Variants in CALD1 observed in about 807,000 individuals in gnomAD.
The protein encoded by CALD1 is caldesmon.
In CALD1, 33 loss-of-function variants were observed where a neutral mutation model predicts 99.9. The observed-to-expected ratio is 0.33, with a 90% CI of 0.25 to 0.44. The LOEUF (loss-of-function observed/expected upper bound fraction) is 0.44, where lower values mean the gene tolerates loss of function less well. Ranked by LOEUF, CALD1 falls within the 20% of genes least tolerant of loss-of-function variation. CALD1 has a pLI of 1.00. For missense variants in CALD1, 861 were observed against 962.1 expected (o/e 0.89, Z 1.39); for synonymous variants, 310 against 325.0 (o/e 0.95, Z 0.50).
intron 1 of CALD1, among the ~76,000 whole-genome samples, chr7:134,797,963 C>G (rs1797810185): frequency 1.3e-5 from 2 of 152,092 alleles, no homozygotes; most frequent in African/African-American, 4.8e-5. Flanking sequence ...AGAAAAGTAG[C>G]AAGAATATTA....
At chr7:134,931,654 G>A (rs1265151476) in intron 4 of CALD1, among the ~76,000 whole-genome samples, 1 of 152,166 alleles carries the variant, frequency 6.6e-6, no homozygotes, top group Non-Finnish European at 1.5e-5. Context: ...CACAGTTCTG[G>A]TATCACATGA....
upstream of CALD1, among the ~76,000 whole-genome samples, chr7:134,739,905 TAA>T (rs1035155650): frequency 5.3e-5 from 8 of 151,368 alleles, no homozygotes; most frequent in Non-Finnish European, 1.0e-4. Context: ...ATTTTATTCT[TAA>T]GTCACCTATT....
the CALD1 span, among the ~76,000 whole-genome samples, chr7:134,716,970 C>A: frequency 1.3e-5 from 2 of 152,034 alleles, no homozygotes; most frequent in Non-Finnish European, 2.9e-5. Context: ...AAGGTTTGAC[C>A]ACTGAAGCTT....
At chr7:134,962,466 G>A (rs1437159066) in intron 13 of CALD1, 5 of 179,946 alleles carry the variant, frequency 2.8e-5, no homozygotes, top group Non-Finnish European at 4.7e-5. Context: ...TCACCCCCTA[G>A]AGGGTGAAGA....
chr7:134,716,000 C>T, the CALD1 span, among the ~76,000 whole-genome samples: 1 of 152,030 alleles, frequency 6.6e-6, no homozygotes, highest in Non-Finnish European at 1.5e-5. Flanking sequence ...GGTACATGTG[C>T]ACAATGTGCA....
At chr7:134,962,366 TA>T (rs35952925) in intron 13 of CALD1, 59,000 of 91,980 alleles carry the variant, frequency 0.64, 17,462 homozygotes, top group Middle Eastern at 0.73. Flanking sequence ...GACAGCCTCC[TA>T]AAAAAAAAAA....
In CALD1 at chr7:134,924,373, T is replaced by G. The variant is rs999371667; in HGVS notation, c.72-4381T>G. Reference sequence around the variant, plus strand: ...AGAATGAACAATTCAGGGTACTTTTTTTTCAATTTCGGAAGAAAAAATAAT... The same window carrying G: ...AGAATGAACAATTCAGGGTACTTTTGTTTCAATTTCGGAAGAAAAAATAAT... On this transcript the variant is annotated intron_variant, in intron 3 of 14. Coordinates refer to ENST00000361675, the MANE Select transcript of CALD1 (RefSeq NM_033138.4). Among the ~76,000 whole-genome samples, 6 of 152,226 alleles carry G rather than the reference T, an allele frequency of 3.9e-5. No individual in the cohort carries two copies. In the East Asian group the frequency reaches 1.2e-3, roughly 29 times the overall value.
At chr7:134,934,158 C>A (rs1586355524) in intron 5 of CALD1, 81 bp downstream of exon 5, 2 of 1,537,632 alleles carry the variant, frequency 1.3e-6, no homozygotes, top group Non-Finnish European at 8.7e-7. Context: ...GGGACTGAGG[C>A]CACATGCATA....
intron 11 of CALD1, among the ~76,000 whole-genome samples, chr7:134,958,825 G>T (rs1412839646): frequency 6.8e-6 from 1 of 146,954 alleles, no homozygotes; most frequent in Non-Finnish European, 1.5e-5. Context: ...CGTGAATATT[G>T]TTTAATGAAA....
intron 3 of CALD1, among the ~76,000 whole-genome samples, chr7:134,924,668 AAT>A (rs1433254414): frequency 6.6e-6 from 1 of 152,184 alleles, no homozygotes; most frequent in Admixed American, 6.5e-5. Context: ...AAATAATTTT[AAT>A]ATGTTTCTTT....
At chr7:134,950,898 G>T (rs544720687) in intron 9 of CALD1, among the ~76,000 whole-genome samples, 3 of 152,322 alleles carry the variant, frequency 2.0e-5, no homozygotes, top group African/African-American at 7.2e-5. Context: ...GGCAGAGGTT[G>T]CAGTGAGCTA....
chr7:134,948,840 T>C lies in CALD1; in HGVS notation c.1794+1071T>C, dbSNP rs187150368. 2.9e-3 allele frequency among the ~76,000 whole-genome samples: 435 copies of C among 152,190 alleles called. 3 individuals carry two copies. Among genetic ancestry groups the C allele is most frequent in the Non-Finnish European group, 1.7e-3 (114 of 68,004 alleles). On this transcript the variant is annotated intron_variant, in intron 8 of 14. Transcript: ENST00000361675. ...GAAGTATGGGAAGTAATCAGGATGA[T>C]AGAGTTTGGGGGTTAAACACACCCC...
At chr7:134,863,457 G>C (rs1800651836) in intron 2 of CALD1, among the ~76,000 whole-genome samples, 1 of 152,190 alleles carries the variant, frequency 6.6e-6, no homozygotes. Flanking sequence ...TTGTCCCTAA[G>C]TGTTGAGTGC....
At chr7:134,840,069 A>C (rs967307367) in intron 1 of CALD1, among the ~76,000 whole-genome samples, 5 of 152,070 alleles carry the variant, frequency 3.3e-5, no homozygotes, top group Non-Finnish European at 5.9e-5. Flanking sequence ...TTTTAGTTTT[A>C]ATGCAACACA....
Position 134,933,985 on chromosome 7 carries a change from G to A in CALD1, c.1216G>A (p.Gly406Arg), listed in dbSNP as rs777704344. ...TGCCATGCAAGAGACAAAGATAAAA[G>A]GGGAAAAGGTAGAACAGAAAATAGA... ...KHAMQETKIK[G>R]EKVEQKIEGK... Residue 406 changes from glycine to arginine, a missense_variant, in exon 5 of 15, where the codon GGG (glycine) becomes AGG (arginine). Around this residue, in one of 5 missense-constraint regions of CALD1, gnomAD observed 293 missense variants for 262.7 expected, o/e 1.12. Coordinates refer to ENST00000361675, the MANE Select transcript of CALD1 (RefSeq NM_033138.4). 2.5e-6 allele frequency: 4 copies of A among 1,614,006 alleles called. No individual in the cohort carries two copies. In the Admixed American group the frequency reaches 5.0e-5, roughly 20 times the overall value.
intron 1 of CALD1, among the ~76,000 whole-genome samples, chr7:134,810,107 T>C (rs1798298845): frequency 6.6e-6 from 1 of 152,214 alleles, no homozygotes; most frequent in Admixed American, 6.5e-5. Flanking sequence ...TTCTCAGAGG[T>C]AGCATAAACT....
intron 3 of CALD1, among the ~76,000 whole-genome samples, chr7:134,908,896 A>G (rs1010181805): frequency 6.6e-6 from 1 of 152,220 alleles, no homozygotes; most frequent in Admixed American, 6.5e-5. Flanking sequence ...AAAACTCAAC[A>G]GTAGAGAATT....
chr7:134,891,582 C>T (rs368688174), intron 3 of CALD1: 2 of 1,592,506 alleles, frequency 1.3e-6, no homozygotes, highest in East Asian at 2.3e-5. Context: ...GCCAGGTCTC[C>T]GTATCTCTCT....
chr7:134,845,531 T>A (rs1799817147), intron 2 of CALD1, among the ~76,000 whole-genome samples: 1 of 152,200 alleles, frequency 6.6e-6, no homozygotes, highest in Non-Finnish European at 1.5e-5. Flanking sequence ...ATGCCCCAGT[T>A]AAGGTGGCCT....
Sources: allele counts gnomAD v4.1 joint callset (sites outside exome capture counted in the v4.1 genomes callset), GRCh38; gene constraint gnomAD v4.1.1; regional missense constraint gnomAD v4.1.1; transcripts MANE v1.5; gene names NCBI Gene and HGNC (gene_info 2026-07-23, HGNC 2026-07-21).